FER: variants seen among roughly 807,000 people sequenced by gnomAD.
The protein encoded by FER is tyrosine-protein kinase Fer.
FER carries 63 observed loss-of-function variants against 111.0 expected under a neutral mutation model. The ratio of observed to expected loss-of-function variants is 0.57; its 90% CI spans 0.46 to 0.70. The LOEUF (loss-of-function observed/expected upper bound fraction) is 0.70. FER is among the 30% of genes least tolerant of loss of function. FER has a pLI of 0.00. For missense variants in FER, 914 were observed against 954.0 expected, an observed-to-expected ratio of 0.96 and a Z score of 0.55; for synonymous variants, 327 against 313.9, an observed-to-expected ratio of 1.04 and a Z score of -0.44.
intron 17 of FER, among the ~76,000 whole-genome samples, chr5:109,161,195 A>G (rs1234662938): frequency 2.6e-5 from 4 of 152,144 alleles, no homozygotes; most frequent in African/African-American, 7.2e-5. Flanking sequence ...TCCTTTTCAA[A>G]TAGTGTCTGT....
chr5:108,785,908 C>T (rs531356312), intron 2 of FER, among the ~76,000 whole-genome samples: 2 of 152,318 alleles, frequency 1.3e-5, no homozygotes, highest in East Asian at 3.9e-4. Context: ...TTCTTCTTTC[C>T]ACCTTCCAGA....
chr5:108,903,606 G>A (rs1389905050), intron 10 of FER, among the ~76,000 whole-genome samples: 1 of 152,128 alleles, frequency 6.6e-6, no homozygotes, highest in African/African-American at 2.4e-5. Context: ...TGCCTTACAG[G>A]ATTTCTGTGA....
chr5:108,914,456 A>G (rs373063871), intron 10 of FER, among the ~76,000 whole-genome samples: 9 of 152,164 alleles, frequency 5.9e-5, no homozygotes, highest in African/African-American at 2.2e-4. Flanking sequence ...ATAGTTCGCT[A>G]TTATTTTTGA....
intron 13 of FER, among the ~76,000 whole-genome samples, chr5:109,010,058 T>A (rs1025999624): frequency 1.3e-5 from 2 of 152,234 alleles, no homozygotes; most frequent in African/African-American, 4.8e-5. Flanking sequence ...AACAGCAAGA[T>A]CACATTTCAA....
chr5:108,788,259 C>G (rs1024872829), intron 2 of FER, among the ~76,000 whole-genome samples: 9 of 152,204 alleles, frequency 5.9e-5, no homozygotes, highest in Admixed American at 1.3e-4. Flanking sequence ...TGGTGCCTGC[C>G]TGGAGCTGCC....
chr5:108,964,541 T>C (rs967646477), intron 13 of FER, among the ~76,000 whole-genome samples: 1 of 152,112 alleles, frequency 6.6e-6, no homozygotes, highest in Non-Finnish European at 1.5e-5. Context: ...ATTGAAGAAC[T>C]ACAGAGGTTA....
At chr5:108,853,867 T>A (rs1327884830) in intron 5 of FER, among the ~76,000 whole-genome samples, 1 of 152,200 alleles carries the variant, frequency 6.6e-6, no homozygotes, top group Non-Finnish European at 1.5e-5. Flanking sequence ...TTTAACAGGA[T>A]AATTGTTGTA....
At chr5:108,919,176 G>A (rs961381853) in intron 10 of FER, among the ~76,000 whole-genome samples, 1 of 149,582 alleles carries the variant, frequency 6.7e-6, no homozygotes, top group Admixed American at 6.6e-5. Context: ...TAATTTTCAT[G>A]TTACATTTTA....
intron 13 of FER, among the ~76,000 whole-genome samples, chr5:108,962,537 A>C (rs1017002634): frequency 2.6e-5 from 4 of 152,200 alleles, no homozygotes; most frequent in African/African-American, 9.6e-5. Context: ...AAATAACTTC[A>C]ATAGGGTCAC....
chr5:109,013,909 T>A (rs111798147), intron 13 of FER, among the ~76,000 whole-genome samples: 51 of 151,666 alleles, frequency 3.4e-4, no homozygotes, highest in African/African-American at 1.2e-3. Context: ...CATGTCCTTC[T>A]CCCACTTTTT....
chr5:108,804,163 G>C (rs1049908405), intron 3 of FER, among the ~76,000 whole-genome samples: 1 of 152,086 alleles, frequency 6.6e-6, no homozygotes, highest in Non-Finnish European at 1.5e-5. Context: ...TAGAATTGGT[G>C]CTGATTTTTC....
chr5:108,773,011 T>C (rs1327774955), intron 2 of FER, among the ~76,000 whole-genome samples: 3 of 152,200 alleles, frequency 2.0e-5, no homozygotes, highest in Admixed American at 6.5e-5. Context: ...CTCTCTCTGG[T>C]ACTTGTGTAG....
intron 17 of FER, among the ~76,000 whole-genome samples, chr5:109,119,315 G>A (rs1433340368): frequency 6.6e-6 from 1 of 152,068 alleles, no homozygotes; most frequent in African/African-American, 2.4e-5. Flanking sequence ...GTAGTTGAGT[G>A]GTTTTGAGTG....
chr5:109,125,405 G>A (rs1479341587), intron 17 of FER, among the ~76,000 whole-genome samples: 1 of 152,090 alleles, frequency 6.6e-6, no homozygotes, highest in Admixed American at 6.5e-5. Context: ...ACATAAATAA[G>A]TTTACTAAAT....
At chr5:108,813,240 T>TTA (rs1757946799) in intron 3 of FER, among the ~76,000 whole-genome samples, 1 of 152,194 alleles carries the variant, frequency 6.6e-6, no homozygotes, top group Non-Finnish European at 1.5e-5. Flanking sequence ...TGCTGTATTA[T>TTA]CATCTTACTT....
At position 108,858,700 on chromosome 5, in the gene FER, C is replaced by T. The variant is rs1267750881; in HGVS notation, c.482-9067C>T. 2.0e-5 allele frequency among the ~76,000 whole-genome samples: 3 copies of T among 151,316 alleles called. No homozygotes were observed. The East Asian group carries it at 5.8e-4, about 29-fold the overall frequency. On this transcript the variant is annotated intron_variant, in intron 5 of 19. Coordinates refer to ENST00000281092, the MANE Select transcript of FER (RefSeq NM_005246.4). Reference sequence around the variant, plus strand: ...ACTACGATTATATAATATTCTTTTTCCTTTGCTTCTCCATTGATAATGCAT... The same window carrying T: ...ACTACGATTATATAATATTCTTTTTTCTTTGCTTCTCCATTGATAATGCAT...
chr5:108,899,668 G>T (rs1264198558), intron 10 of FER, among the ~76,000 whole-genome samples: 1 of 152,020 alleles, frequency 6.6e-6, no homozygotes, highest in Non-Finnish European at 1.5e-5. Flanking sequence ...GCTGGGTGTG[G>T]TGGTGTGTGC....
At chr5:108,967,614 G>A (rs1760040494) in intron 13 of FER, among the ~76,000 whole-genome samples, 1 of 151,954 alleles carries the variant, frequency 6.6e-6, no homozygotes, top group African/African-American at 2.4e-5. Flanking sequence ...ACAAAAATTA[G>A]CTGGGTGTGG....
chr5:109,088,207 T>A (rs982374407), intron 16 of FER, among the ~76,000 whole-genome samples: 2 of 152,068 alleles, frequency 1.3e-5, no homozygotes, highest in Admixed American at 1.3e-4. Flanking sequence ...TAGGTTCCCA[T>A]TTGCATTGTT....
Sources: allele counts gnomAD v4.1 joint callset (sites outside exome capture counted in the v4.1 genomes callset), GRCh38; gene constraint gnomAD v4.1.1; transcripts MANE v1.5; gene names NCBI Gene and HGNC (gene_info 2026-07-23, HGNC 2026-07-21).